The following RPL9 variants were observed in gnomAD, a reference collection of about 807,000 sequenced individuals.
RPL9 encodes large ribosomal subunit protein uL6.
For missense variants in RPL9, 149 were observed against 236.7 expected (o/e 0.63, Z 2.43); for synonymous variants, 82 against 77.1 (o/e 1.06, Z -0.33).
intron 1 of RPL9, 142 bp from the exon 2 acceptor site, chr4:39,458,582 C>T (rs1420017447): frequency 2.4e-6 from 2 of 835,604 alleles, no homozygotes; most frequent in East Asian, 5.2e-5. Context: ...CGACAGCGGG[C>T]CCCAGTGTGT....
chr4:39,456,388 C>G lies in RPL9; in HGVS notation c.391+18G>C. The stretch of plus-strand genomic sequence containing the variant: ...TGAAGGAAAAATTTCTTAATTCTGT[C>G]TGAGGGTATGCACATACCTGGTCTC... On this transcript the variant is annotated intron_variant, in intron 5 of 7. Coordinates refer to ENST00000295955, the MANE Select transcript of RPL9 (RefSeq NM_000661.5). 1.2e-6 allele frequency: 2 copies of G among 1,613,994 alleles called. No homozygotes were observed. The highest frequency in any genetic ancestry group is 1.7e-6 in the Non-Finnish European group (2 of 1,179,934).
chr4:39,457,706 C>T lies in RPL9; in HGVS notation c.163-25G>A, dbSNP rs533793671. ...GCTGTAACAGAACAAAAAATGTATT[C>T]TTTCCAGAAATATGCAGGCTTAAAA... On this transcript the variant is annotated intron_variant, in intron 3 of 7. Transcript: ENST00000295955. The T allele has an allele frequency of 1.1e-5, 18 of 1,585,958 alleles. No individual in the cohort carries two copies. In the African/African-American group the frequency reaches 2.1e-4, roughly 19 times the overall value.
intron 4 of RPL9, 21 bp downstream of exon 4, chr4:39,457,565 A>G: frequency 6.3e-7 from 1 of 1,591,244 alleles, no homozygotes; most frequent in Non-Finnish European, 8.6e-7. Context: ...CAAAACAAGG[A>G]AGTCTGATAC....
At chr4:39,456,153 A>G (rs1160181690) in intron 5 of RPL9, 1 of 494,296 alleles carries the variant, frequency 2.0e-6, no homozygotes. Flanking sequence ...TCATTTGCCA[A>G]GTTAAATACA....
intron 4 of RPL9, chr4:39,457,365 A>AAC: frequency 2.4e-6 from 1 of 414,500 alleles, no homozygotes; most frequent in Non-Finnish European, 4.3e-6. Flanking sequence ...AAAAAAAAAA[A>AAC]AACCCAACAA....
chr4:39,457,706 C>G, intron 3 of RPL9, 25 bp from the exon 4 acceptor site: 1 of 1,585,958 alleles, frequency 6.3e-7, no homozygotes. Flanking sequence ...AAAATGTATT[C>G]TTTCCAGAAA....
In RPL9 at chr4:39,456,426, C is replaced by T. The variant is rs137971690; in HGVS notation, c.371G>A (p.Arg124His). 3.1e-6 allele frequency: 5 copies of T among 1,614,036 alleles called. No homozygotes were observed. The highest frequency in any genetic ancestry group is 4.2e-6 in the Non-Finnish European group (5 of 1,179,970). The stretch of plus-strand genomic sequence containing the variant: ...CATACCTGGTCTCATCCGAACCCTG[C>T]GGATATATTTTTCACCCAAGAAATT... ...IRNFLGEKYI[R>H]RVRMRPGVAC... The change falls in exon 5 of 8, where the codon CGC becomes CAC. Residue 124 changes from arginine to histidine, a missense_variant. Transcript: ENST00000295955.
chr4:39,454,535 C>G lies in RPL9; in HGVS notation c.*8G>C. On this transcript the variant is annotated splice_region_variant and 3_prime_UTR_variant, in exon 7 of 8. Transcript: ENST00000295955. ...CTTAAGACACTGTAAGAACTTACCT[C>G]TTAGATCTTATTCATCAGCCTGCTG... 6.2e-7 allele frequency: 1 copy of G among 1,603,344 alleles called. No individual in the cohort carries two copies. The highest frequency in any genetic ancestry group is 8.5e-7 in the Non-Finnish European group (1 of 1,173,390).
intron 5 of RPL9, chr4:39,455,729 C>G (rs1325907644): frequency 6.5e-6 from 1 of 154,044 alleles, no homozygotes. Context: ...GAGATCACGC[C>G]ACCGTACTCC....
At position 39,458,210 on chromosome 4, in the gene RPL9, C is replaced by A. The variant is rs759611736; in HGVS notation, c.146G>T (p.Gly49Val). The A allele has an allele frequency of 6.2e-7, 1 of 1,613,596 alleles. No individual in the cohort carries two copies. The highest frequency in any genetic ancestry group is 1.3e-5 in the African/African-American group (1 of 74,822). Reference sequence around the variant, plus strand: ...AACCCTCACCCTCTTTTTTTTCTTTCCAAGAAGGCTGAGTTCTACATTGAT... The same window carrying A: ...AACCCTCACCCTCTTTTTTTTCTTTACAAGAAGGCTGAGTTCTACATTGAT... The part of the protein sequence containing the change: ...NHINVELSLL[G>V]KKKKRLRVDK... The change falls in exon 3 of 8, where the codon GGA (glycine) becomes GTA (valine). Residue 49 changes from glycine to valine, a missense_variant. Gly to Val is a moderately radical substitution (Grantham distance 109). Transcript: ENST00000295955.
chr4:39,454,315 C>T (rs1159493289), intron 7 of RPL9, 90 bp from the exon 8 acceptor site: 2 of 449,436 alleles, frequency 4.5e-6, no homozygotes, highest in African/African-American at 4.0e-5. Flanking sequence ...TCTAAATAAT[C>T]TAAAACATAC....
chr4:39,454,553 G>A lies in RPL9; in HGVS notation c.569C>T (p.Ala190Val). ...CTTACCTCTTAGATCTTATTCATCA[G>A]CCTGCTGAACAGTTCCTTTTTCAGA... ...YVSEKGTVQQ[A>V]DE The change falls in exon 7 of 8, where the codon GCT (alanine) becomes GTT (valine). Residue 190 changes from alanine to valine, a missense_variant. By Grantham distance (64) the Ala-to-Val change is moderately conservative. Coordinates refer to ENST00000295955, the MANE Select transcript of RPL9 (RefSeq NM_000661.5). 6.2e-7 allele frequency: 1 copy of A among 1,609,452 alleles called. No homozygotes were observed. Among genetic ancestry groups the A allele is most frequent in the Non-Finnish European group, 8.5e-7 (1 of 1,177,702 alleles).
At chr4:39,458,367 G>GT in intron 2 of RPL9, 27 bp downstream of exon 2, 3 of 1,613,956 alleles carry the variant, frequency 1.9e-6, no homozygotes, top group African/African-American at 1.3e-5. Flanking sequence ...CAGTAAAGAT[G>GT]TAAGTAAAAG....
rs1311406401 is a variant in RPL9, at chr4:39,458,404, A to G, written c.36T>C (p.Ile12=). 1.9e-6 allele frequency: 3 copies of G among 1,614,224 alleles called. No individual in the cohort carries two copies. Among genetic ancestry groups the G allele is most frequent in the Non-Finnish European group, 2.5e-6 (3 of 1,180,030 alleles). The change falls in exon 2 of 8, where the codon ATT becomes ATC. Residue 12 remains isoleucine, a synonymous_variant. Transcript: ENST00000295955. The part of the protein sequence containing the change: ...KTILSNQTVD[I]PENVDITLKG... ...CATCAAGTCTCATACCATTTTCTGG[A>G]ATGTCGACAGTCTGATTGCTGAGAA...
At chr4:39,458,340 A>G in intron 2 of RPL9, 31 bp from the exon 3 acceptor site, 1 of 1,614,054 alleles carries the variant, frequency 6.2e-7, no homozygotes, top group Non-Finnish European at 8.5e-7. Flanking sequence ...GTCAGGCCAC[A>G]CAACGCTTGG....
rs750230219 is a variant in RPL9, at chr4:39,457,701, G to T, written c.163-20C>A. On this transcript the variant is annotated intron_variant, in intron 3 of 7. Transcript: ENST00000295955. ...CCGGAGCTGTAACAGAACAAAAAAT[G>T]TATTCTTTCCAGAAATATGCAGGCT... 6.3e-7 allele frequency: 1 copy of T among 1,595,472 alleles called. No individual in the cohort carries two copies. The highest frequency in any genetic ancestry group is 1.3e-5 in the African/African-American group (1 of 74,658).
Position 39,458,175 on chromosome 4 carries a change from TCAG to T in RPL9, c.162+16_162+18del. 1 of 1,612,456 alleles carries T rather than the reference TCAG, an allele frequency of 6.2e-7. No individual in the cohort carries two copies. Among genetic ancestry groups the T allele is most frequent in the Non-Finnish European group, 8.5e-7 (1 of 1,178,604 alleles). ...CACCTTCCAACGAGCAACTGAATTA[TCAG>T]AAGAAAAACCCTCACCCTCTTTTTT... On this transcript the variant is annotated intron_variant, in intron 3 of 7. Coordinates refer to ENST00000295955, the MANE Select transcript of RPL9 (RefSeq NM_000661.5).
chr4:39,454,975 C>T, intron 5 of RPL9, 31 bp from the exon 6 acceptor site: 1 of 1,572,690 alleles, frequency 6.4e-7, no homozygotes, highest in Non-Finnish European at 8.7e-7. Context: ...TGCACAGCAT[C>T]AAATCTGTGT....
At position 39,458,453 on chromosome 4, in the gene RPL9, C is replaced by G. The variant is rs1368605587; in HGVS notation, c.-1-13G>C. 1.9e-6 allele frequency: 3 copies of G among 1,614,028 alleles called. No homozygotes were observed. The highest frequency in any genetic ancestry group is 3.3e-5 in the Admixed American group (2 of 60,034). On this transcript the variant is annotated splice_polypyrimidine_tract_variant and intron_variant, in intron 1 of 7. Transcript: ENST00000295955. Reference sequence around the variant, plus strand: ...AATAGTCTTCATTCTGAAACACAAACACTGGGGGTGAGGCCGACGCAAGGC... The same window carrying G: ...AATAGTCTTCATTCTGAAACACAAAGACTGGGGGTGAGGCCGACGCAAGGC...
Sources: gnomAD v4.1 joint callset for allele counts on GRCh38, gnomAD v4.1.1 for gene constraint, MANE v1.5 for transcripts, NCBI Gene and HGNC (gene_info 2026-07-23, HGNC 2026-07-21) for gene names.